The following SYN1 variants were observed in gnomAD, a reference collection of about 807,000 sequenced individuals.
SYN1 encodes the protein synapsin I, also known as synapsin-1.
A neutral mutation model predicts 44.6 loss-of-function variants in SYN1; 8 were observed. The ratio of observed to expected loss-of-function variants is 0.18; its 90% CI spans 0.11 to 0.32. The LOEUF (loss-of-function observed/expected upper bound fraction) is 0.32. Among genes scored for constraint, SYN1 ranks in the 10% least tolerant of loss-of-function variants. The pLI is 1.00. For synonymous variants in SYN1, 275 were observed against 280.1 expected (o/e 0.98, Z 0.18); for missense variants, 451 against 639.4 (o/e 0.71, Z 3.18).
At chrX:47,584,367 A>AT (rs1403711398) in intron 5 of SYN1, among the ~76,000 whole-genome samples, 2 of 107,317 alleles carry the variant, frequency 1.9e-5, no homozygotes, top group East Asian at 5.8e-4. Context: ...CAGATATAGA[A>AT]TATAGGGGTT....
intron 1 of SYN1, among the ~76,000 whole-genome samples, chrX:47,616,623 G>A (rs1487274260): frequency 8.9e-6 from 1 of 111,904 alleles, no homozygotes; most frequent in Non-Finnish European, 1.9e-5. Context: ...GGACGTTGGT[G>A]AAGGAATTAC....
At chrX:47,601,312 A>G (rs926573853) in intron 5 of SYN1, among the ~76,000 whole-genome samples, 2 of 112,011 alleles carry the variant, frequency 1.8e-5, no homozygotes, top group African/African-American at 6.5e-5. Context: ...CTAGAAAGAC[A>G]CAAACTACAA....
chrX:47,609,040 C>CACACACA (rs2057909605), intron 1 of SYN1, among the ~76,000 whole-genome samples: 2 of 76,570 alleles, frequency 2.6e-5, no homozygotes, highest in African/African-American at 1.2e-4. Flanking sequence ...ACACACACAC[C>CACACACA]ATCGCTGACA....
At chrX:47,598,947 G>A (rs907639636) in intron 5 of SYN1, among the ~76,000 whole-genome samples, 2 of 111,445 alleles carry the variant, frequency 1.8e-5, no homozygotes, top group African/African-American at 6.5e-5. Flanking sequence ...CTTGAGCCCA[G>A]GAGGTTGAGG....
Position 47,573,005 on chromosome X carries a change from G to C in SYN1, c.1983-6C>G. 2 of 1,211,216 alleles carry C rather than the reference G, an allele frequency of 1.7e-6. No homozygotes were observed. Among genetic ancestry groups the C allele is most frequent in the Non-Finnish European group, 2.2e-6 (2 of 895,192 alleles). On this transcript the variant is annotated splice_region_variant and splice_polypyrimidine_tract_variant and intron_variant, in intron 12 of 12. Transcript: ENST00000295987. ...TGGTCAGAGACTGGGATTTGCTAGA[G>C]AGAGACAAGGTGGAGGCGTGGGAGG...
chrX:47,605,567 C>A (rs905987514), intron 3 of SYN1, among the ~76,000 whole-genome samples, 188 bp from the exon 4 acceptor site: 1 of 111,997 alleles, frequency 8.9e-6, no homozygotes, highest in African/African-American at 3.2e-5. Flanking sequence ...ACCTGGTGAT[C>A]CCCTTTAAGC....
In SYN1 at chrX:47,575,175, G is replaced by A. The variant is rs780269723; in HGVS notation, c.1258C>T (p.Arg420Trp). The A allele has an allele frequency of 4.2e-6, 5 of 1,194,670 alleles. No individual in the cohort carries two copies. The highest frequency in any genetic ancestry group is 3.5e-5 in the African/African-American group (2 of 57,062). Residue 420 changes from arginine (R) to tryptophan (W), a missense_variant, in exon 10 of 13, where the codon CGG (arginine) becomes TGG (tryptophan). Physicochemically the swap from Arg to Trp is moderately radical, Grantham distance 101. Around this residue, in one of 3 missense-constraint regions of SYN1, gnomAD observed 315 missense variants for 451.4 expected, o/e 0.70. Transcript: ENST00000295987. ...VVNKMAQALP[R>W]QRQRDASPGR... ...GGGGAGGCATCCCGCTGTCGCTGCC[G>A]GGGCAGGGCCTGAGCCATCTTGTTG... is the stretch of plus-strand genomic sequence containing the variant.
intron 5 of SYN1, chrX:47,583,529 C>G: frequency 2.5e-6 from 3 of 1,196,721 alleles, no homozygotes; most frequent in Non-Finnish European, 3.4e-6. Context: ...TCTGCAATTC[C>G]GACCTCGGTG....
intron 5 of SYN1, among the ~76,000 whole-genome samples, chrX:47,598,079 C>A (rs2094139589): frequency 8.9e-6 from 1 of 112,238 alleles, no homozygotes; most frequent in Admixed American, 9.4e-5. Flanking sequence ...TAATGTAAAT[C>A]TACATAAAGA....
At chrX:47,580,861 G>A (rs2057795501) in intron 5 of SYN1, among the ~76,000 whole-genome samples, 1 of 110,112 alleles carries the variant, frequency 9.1e-6, no homozygotes, top group African/African-American at 3.3e-5. Context: ...TTGAACCCCG[G>A]AGGCGGAGGT....
At chrX:47,586,070 A>G in intron 5 of SYN1, 1 of 956,715 alleles carries the variant, frequency 1.0e-6, no homozygotes, top group Non-Finnish European at 1.3e-6. Flanking sequence ...AGCTCTGACT[A>G]TTCCAGACAC....
chrX:47,619,294 C>A (rs1246214396), intron 1 of SYN1, 58 bp downstream of exon 1: 38 of 1,191,807 alleles, frequency 3.2e-5, no homozygotes, highest in Non-Finnish European at 3.8e-5. Context: ...ATTGCTCATT[C>A]GCAGAAGAAC....
chrX:47,619,364 G>T lies in SYN1; in HGVS notation c.365C>A (p.Pro122Gln). 8.3e-7 allele frequency: 1 copy of T among 1,198,998 alleles called. No individual in the cohort carries two copies. Residue 122 changes from proline to glutamine, a missense_variant, in exon 1 of 13, where the codon CCG becomes CAG. Physicochemically the swap from Pro to Gln is moderately conservative, Grantham distance 76. This residue lies in a region of SYN1 where 315 missense variants were observed against 451.4 expected (regional missense o/e 0.70). Coordinates refer to ENST00000295987, the MANE Select transcript of SYN1 (RefSeq NM_006950.3). ...ASRVLLVIDE[P>Q]HTDWAKYFKG... The stretch of plus-strand genomic sequence containing the variant: ...GGCAGTGGCTTACCAGTCGGTGTGC[G>T]GCTCGTCGATGACCAGCAGCACCCT...
At chrX:47,608,594 G>C (rs1357182824) in intron 1 of SYN1, among the ~76,000 whole-genome samples, 1 of 110,702 alleles carries the variant, frequency 9.0e-6, no homozygotes, top group Non-Finnish European at 1.9e-5. Flanking sequence ...GGCAATGATG[G>C]GGGGCAGGGA....
chrX:47,591,942 C>T (rs1412530269), intron 5 of SYN1, among the ~76,000 whole-genome samples: 1 of 112,048 alleles, frequency 8.9e-6, no homozygotes, highest in East Asian at 2.8e-4. Flanking sequence ...TTTGATCATA[C>T]ACTAAAGTTC....
At chrX:47,591,524 C>A (rs2057847833) in intron 5 of SYN1, among the ~76,000 whole-genome samples, 1 of 110,239 alleles carries the variant, frequency 9.1e-6, no homozygotes, top group Non-Finnish European at 1.9e-5. Context: ...AGTTCGAGAC[C>A]AGCCTGGCCA....
intron 5 of SYN1, among the ~76,000 whole-genome samples, chrX:47,587,041 T>C (rs2057830043): frequency 8.8e-6 from 1 of 113,020 alleles, no homozygotes; most frequent in African/African-American, 3.2e-5. Flanking sequence ...TTAAAACATT[T>C]TCCTATACTG....
intron 5 of SYN1, among the ~76,000 whole-genome samples, chrX:47,582,150 G>A (rs1256009828): frequency 8.9e-6 from 1 of 112,555 alleles, no homozygotes; most frequent in Non-Finnish European, 1.9e-5. Flanking sequence ...ACTGGGCCGG[G>A]GGAAATGCGG....
At chrX:47,594,224 G>A (rs775012456) in intron 5 of SYN1, among the ~76,000 whole-genome samples, 117 of 103,052 alleles carry the variant, frequency 1.1e-3, no homozygotes, top group African/African-American at 4.1e-3. Flanking sequence ...ACAGAGTCAC[G>A]GACTCTATCT....
Sources: allele counts gnomAD v4.1 joint callset (sites outside exome capture counted in the v4.1 genomes callset), GRCh38; gene constraint gnomAD v4.1.1; regional missense constraint gnomAD v4.1.1; transcripts MANE v1.5; gene names NCBI Gene and HGNC (gene_info 2026-07-23, HGNC 2026-07-21).